MAP2K4: variants seen among roughly 807,000 people sequenced by gnomAD.
MAP2K4 encodes dual specificity mitogen-activated protein kinase kinase 4.
A neutral mutation model predicts 48.5 loss-of-function variants in MAP2K4; 4 were observed. The ratio of observed to expected loss-of-function variants is 0.08; its 90% CI spans 0.04 to 0.19. MAP2K4 has a LOEUF of 0.19. Among genes scored for constraint, MAP2K4 ranks in the 10% least tolerant of loss-of-function variants. The probability of loss-of-function intolerance (pLI) is 1.00; values close to 1 mark genes in which losing one functional copy is unlikely to be tolerated. For missense variants in MAP2K4, 258 were observed against 493.3 expected, an observed-to-expected ratio of 0.52 and a Z score of 4.52; for synonymous variants, 166 against 173.1, an observed-to-expected ratio of 0.96 and a Z score of 0.32.
intron 1 of MAP2K4, among the ~76,000 whole-genome samples, chr17:12,037,977 C>T (rs922941638): frequency 2.6e-5 from 4 of 152,104 alleles, no homozygotes; most frequent in Non-Finnish European, 5.9e-5. Context: ...AGGTTTCTAA[C>T]AGCTATTGCA....
Position 12,034,256 on chromosome 17 carries a change from C to T in MAP2K4, c.115+13255C>T, listed in dbSNP as rs9896520. Among the ~76,000 whole-genome samples the T allele has an allele frequency of 2.0e-3, 300 of 152,244 alleles. 2 individuals carry two copies. The highest frequency in any genetic ancestry group is 6.7e-3 in the African/African-American group (277 of 41,560). On this transcript the variant is annotated intron_variant, in intron 1 of 10. Coordinates refer to ENST00000353533, the MANE Select transcript of MAP2K4 (RefSeq NM_003010.4). Reference sequence around the variant, plus strand: ...AAATGCTTTTGAATCTTCTAAATGGCTCTGTTTTTGTCATTATAGAAATGA... The same window carrying T: ...AAATGCTTTTGAATCTTCTAAATGGTTCTGTTTTTGTCATTATAGAAATGA...
intron 2 of MAP2K4, among the ~76,000 whole-genome samples, chr17:12,058,227 CTT>C (rs144800120): frequency 5.9e-4 from 77 of 130,010 alleles, no homozygotes; most frequent in Middle Eastern, 4.3e-3. Flanking sequence ...CTAGACCTTT[CTT>C]TTTTTTTTTT....
intron 7 of MAP2K4, among the ~76,000 whole-genome samples, chr17:12,120,749 A>G (rs1285725151): frequency 1.3e-5 from 2 of 152,186 alleles, no homozygotes; most frequent in Non-Finnish European, 2.9e-5. Flanking sequence ...CCTCATTACT[A>G]GAGGACCCAC....
intron 3 of MAP2K4, among the ~76,000 whole-genome samples, chr17:12,088,648 T>C (rs950517282): frequency 4.8e-5 from 7 of 146,290 alleles, no homozygotes; most frequent in Admixed American, 2.1e-4. Flanking sequence ...TTTTCTTCTT[T>C]TGATTTTTAA....
At chr17:12,033,699 G>A (rs1015485577) in intron 1 of MAP2K4, among the ~76,000 whole-genome samples, 1 of 152,018 alleles carries the variant, frequency 6.6e-6, no homozygotes, top group African/African-American at 2.4e-5. Flanking sequence ...CATTCACTGT[G>A]ATAATTTTTA....
intron 1 of MAP2K4, among the ~76,000 whole-genome samples, chr17:12,034,503 C>T (rs1969533730): frequency 1.3e-5 from 2 of 152,170 alleles, no homozygotes; most frequent in African/African-American, 2.4e-5. Context: ...TTGGAAGGCT[C>T]CTCTTTATTT....
At chr17:12,085,085 C>T (rs1389382995) in intron 3 of MAP2K4, among the ~76,000 whole-genome samples, 1 of 152,176 alleles carries the variant, frequency 6.6e-6, no homozygotes, top group Non-Finnish European at 1.5e-5. Context: ...GTACCAGCTT[C>T]CCTGTTGTTT....
At chr17:12,082,077 T>G in intron 3 of MAP2K4, 1 of 372,104 alleles carries the variant, frequency 2.7e-6, no homozygotes, top group South Asian at 2.0e-5. Flanking sequence ...TGTACTGAAA[T>G]GCATACCTTG....
intron 7 of MAP2K4, among the ~76,000 whole-genome samples, chr17:12,118,102 C>T (rs181516739): frequency 1.2e-3 from 181 of 152,214 alleles, no homozygotes; most frequent in Middle Eastern, 3.4e-3. Flanking sequence ...ATAGCATTAA[C>T]TTTTTAAAGA....
At chr17:12,129,073 C>A in intron 8 of MAP2K4, 66 bp from the exon 9 acceptor site, 1 of 1,514,440 alleles carries the variant, frequency 6.6e-7, no homozygotes, top group Non-Finnish European at 9.0e-7. Flanking sequence ...TTTTTTGTGG[C>A]CCTTCCAGTG....
intron 7 of MAP2K4, chr17:12,124,886 A>G (rs762606399): frequency 5.3e-5 from 9 of 171,216 alleles, no homozygotes; most frequent in Non-Finnish European, 1.1e-4. Flanking sequence ...CGTGTTAGCC[A>G]GGATGGTCTC....
Position 12,142,930 on chromosome 17 carries a change from A to AAT in MAP2K4, c.*1670_*1671insAT, listed in dbSNP as rs1973417870. On this transcript the variant is annotated 3_prime_UTR_variant, in exon 11 of 11. Coordinates refer to ENST00000353533, the MANE Select transcript of MAP2K4 (RefSeq NM_003010.4). The stretch of plus-strand genomic sequence containing the variant: ...ATTACAGAACCAAATCGTGGCACGT[A>AAT]TTGCTGTGTCTCCTCTCAGAGTGAC... 1 of 232,668 alleles carries AAT rather than the reference A, an allele frequency of 4.3e-6. No individual in the cohort carries two copies. Among genetic ancestry groups the AAT allele is most frequent in the Non-Finnish European group, 8.5e-6 (1 of 117,718 alleles). 14.4% of individuals were successfully genotyped at this position (232,668 alleles called of 1,614,324 possible).
In MAP2K4 at chr17:12,095,634, A is replaced by G. The variant is rs1382221647; in HGVS notation, c.453A>G (p.Val151=). The G allele has an allele frequency of 6.2e-7, 1 of 1,613,824 alleles. No homozygotes were observed. The highest frequency in any genetic ancestry group is 1.3e-5 in the African/African-American group (1 of 74,920). Residue 151 remains valine, a synonymous_variant, in exon 4 of 11, where the codon GTA becomes GTG. Transcript: ENST00000353533. The part of the protein sequence containing the change: ...EQKQLLMDLD[V]VMRSSDCPYI... ...AACAACTTCTTATGGATTTGGATGTAGTAATGCGGAGTAGTGATTGCCCAT... is the reference window on the plus strand; with the variant it reads ...AACAACTTCTTATGGATTTGGATGTGGTAATGCGGAGTAGTGATTGCCCAT...
At chr17:12,047,973 T>C (rs948780818) in intron 1 of MAP2K4, among the ~76,000 whole-genome samples, 1 of 152,204 alleles carries the variant, frequency 6.6e-6, no homozygotes, top group Non-Finnish European at 1.5e-5. Flanking sequence ...TGGTGATCAT[T>C]TGACATCTTG....
chr17:12,033,807 CT>C (rs1442217325), intron 1 of MAP2K4, among the ~76,000 whole-genome samples: 1 of 152,004 alleles, frequency 6.6e-6, no homozygotes, highest in Non-Finnish European at 1.5e-5. Context: ...AAAAAAAAGG[CT>C]GTCTTCTATT....
intron 1 of MAP2K4, among the ~76,000 whole-genome samples, chr17:12,052,973 TAACTC>T (rs1423084650): frequency 6.6e-6 from 1 of 152,096 alleles, no homozygotes; most frequent in African/African-American, 2.4e-5. Flanking sequence ...ATTACAGTAT[TAACTC>T]AAATGTAAAT....
intron 2 of MAP2K4, among the ~76,000 whole-genome samples, chr17:12,056,450 T>G (rs1970285039): frequency 6.6e-6 from 1 of 152,118 alleles, no homozygotes; most frequent in African/African-American, 2.4e-5. Context: ...ATTTTTTGTT[T>G]TGTTCTTAAC....
intron 3 of MAP2K4, among the ~76,000 whole-genome samples, chr17:12,090,089 T>C (rs1348542058): frequency 6.6e-6 from 1 of 152,208 alleles, no homozygotes; most frequent in African/African-American, 2.4e-5. Context: ...AGTGCATATA[T>C]GACTTGTCAT....
intron 3 of MAP2K4, among the ~76,000 whole-genome samples, chr17:12,088,573 A>AT (rs1376710634): frequency 2.1e-4 from 29 of 135,064 alleles, no homozygotes; most frequent in African/African-American, 7.3e-4. Context: ...TATTAAATAT[A>AT]TAATATATAA....
Sources: allele counts gnomAD v4.1 joint callset (sites outside exome capture counted in the v4.1 genomes callset), GRCh38; gene constraint gnomAD v4.1.1; transcripts MANE v1.5; gene names NCBI Gene and HGNC (gene_info 2026-07-23, HGNC 2026-07-21).